WLS: variants seen among roughly 807,000 people sequenced by gnomAD.
The protein encoded by WLS is Wnt ligand secretion mediator.
In WLS, 23 loss-of-function variants were observed where a neutral mutation model predicts 62.8. That is an observed-to-expected ratio of 0.37 (90% CI 0.26 to 0.52). The LOEUF is 0.52. WLS is among the 20% of genes least tolerant of loss of function. WLS has a pLI of 0.92. For synonymous variants in WLS, 246 were observed against 244.1 expected (o/e 1.01, Z -0.07); for missense variants, 615 against 697.3 (o/e 0.88, Z 1.33).
At chr1:68,107,862 A>T (rs933884518) in intron 11 of WLS, among the ~76,000 whole-genome samples, 11 of 152,174 alleles carry the variant, frequency 7.2e-5, no homozygotes, top group African/African-American at 2.4e-4. Flanking sequence ...GGTCTGCGGG[A>T]CACACCCCAG....
At chr1:68,104,742 C>T (rs566270717) in intron 11 of WLS, among the ~76,000 whole-genome samples, 1 of 152,252 alleles carries the variant, frequency 6.6e-6, no homozygotes, top group East Asian at 1.9e-4. Flanking sequence ...AGGGAGACCT[C>T]ATCTCTACTA....
chr1:68,132,932 TGAG>T (rs1243196158), intron 11 of WLS, among the ~76,000 whole-genome samples: 1 of 152,182 alleles, frequency 6.6e-6, no homozygotes, highest in African/African-American at 2.4e-5. Flanking sequence ...ATTTTTGCTC[TGAG>T]AAGAGGATTC....
intron 2 of WLS, among the ~76,000 whole-genome samples, chr1:68,167,070 TG>T (rs1647070444): frequency 6.6e-6 from 1 of 152,230 alleles, no homozygotes; most frequent in Admixed American, 6.5e-5. Context: ...TTAGCAGACC[TG>T]GTTCCTTACC....
At chr1:68,183,543 A>C (rs767309068) in intron 2 of WLS, 1 of 533,822 alleles carries the variant, frequency 1.9e-6, no homozygotes, top group Admixed American at 1.9e-5. Flanking sequence ...TTGAAGGCCA[A>C]AAATTAGTTC....
chr1:68,193,796 G>C (rs1648500899), intron 2 of WLS, 159 bp downstream of exon 2: 2 of 929,430 alleles, frequency 2.2e-6, no homozygotes, highest in Non-Finnish European at 3.2e-6. Context: ...GATTAAATGG[G>C]TTAATACAGG....
chr1:68,102,012 G>A (rs773299209), intron 11 of WLS, among the ~76,000 whole-genome samples: 4 of 152,076 alleles, frequency 2.6e-5, no homozygotes, highest in South Asian at 2.1e-4. Flanking sequence ...AAATACCTTC[G>A]TTATAGCTGC....
At chr1:68,169,116 G>C (rs1451187973) in intron 2 of WLS, among the ~76,000 whole-genome samples, 2 of 152,198 alleles carry the variant, frequency 1.3e-5, no homozygotes, top group African/African-American at 4.8e-5. Context: ...TCTTCCACAT[G>C]TAAGAAAACA....
intron 1 of WLS, 77 bp downstream of exon 1, chr1:68,232,117 A>G (rs1424901774): frequency 1.3e-6 from 2 of 1,586,664 alleles, no homozygotes; most frequent in African/African-American, 1.4e-5. Flanking sequence ...ATACTGTAAC[A>G]AGTAGCCCAA....
intron 11 of WLS, among the ~76,000 whole-genome samples, chr1:68,109,634 G>T (rs1646194821): frequency 1.3e-5 from 2 of 152,042 alleles, no homozygotes; most frequent in Non-Finnish European, 2.9e-5. Flanking sequence ...GCAGAGGAAA[G>T]AATTAGTGAA....
At chr1:68,116,316 C>A (rs12741473) in intron 11 of WLS, among the ~76,000 whole-genome samples, 61,040 of 152,092 alleles carry the variant, frequency 0.4, 13,710 homozygotes, top group Middle Eastern at 0.52. Context: ...CTCTGACAAC[C>A]ACACGGGGTA....
intron 1 of WLS, among the ~76,000 whole-genome samples, chr1:68,206,881 C>A (rs1441479125): frequency 6.6e-6 from 1 of 152,196 alleles, no homozygotes; most frequent in African/African-American, 2.4e-5. Context: ...AAAGTTCCTA[C>A]AAATTAGGGT....
At chr1:68,202,227 A>G (rs766132045) in intron 1 of WLS, 1 of 152,220 alleles carries the variant, frequency 6.6e-6, no homozygotes, top group South Asian at 2.1e-4. Context: ...GGCAAACATG[A>G]AATTATTTTA....
intron 11 of WLS, among the ~76,000 whole-genome samples, chr1:68,137,237 T>C (rs1429019174): frequency 6.6e-6 from 1 of 151,398 alleles, no homozygotes; most frequent in Non-Finnish European, 1.5e-5. Flanking sequence ...GATTATAAGA[T>C]ATAAAAAGGC....
rs942242166 is a variant in WLS, at chr1:68,109,391, AAAGC to A, written c.1511-10642_1511-10639del. On this transcript the variant is annotated intron_variant, in intron 11 of 11. Coordinates refer to the WLS transcript ENST00000354777. ...AATGAAATATAATCAAACACACAAG[AAAGC>A]AAACCACTATAAGCAAGAGGTAGAA... Among the ~76,000 whole-genome samples the A allele has an allele frequency of 6.5e-4, 99 of 152,132 alleles. 1 individual carries two copies. Among genetic ancestry groups the A allele is most frequent in the African/African-American group, 2.1e-3 (89 of 41,504 alleles).
intron 11 of WLS, among the ~76,000 whole-genome samples, chr1:68,110,007 T>TAA (rs11290966): frequency 0.068 from 1,884 of 27,752 alleles, 134 homozygotes; most frequent in Non-Finnish European, 0.072. Context: ...ACACAAAAAG[T>TAA]AAAAAAAAAA....
intron 11 of WLS, among the ~76,000 whole-genome samples, chr1:68,101,629 GAATAT>G (rs778694161): frequency 2.0e-5 from 3 of 152,188 alleles, no homozygotes; most frequent in East Asian, 3.8e-4. Context: ...TCACTGTCCA[GAATAT>G]AATATAAGAC....
intron 11 of WLS, among the ~76,000 whole-genome samples, chr1:68,136,473 T>C (rs1646611955): frequency 6.6e-6 from 1 of 152,120 alleles, no homozygotes; most frequent in Non-Finnish European, 1.5e-5. Context: ...AAAGAAAGGG[T>C]GCCAGGGCCA....
At chr1:68,214,952 A>G (rs574488806) in intron 1 of WLS, among the ~76,000 whole-genome samples, 8 of 152,336 alleles carry the variant, frequency 5.3e-5, no homozygotes, top group Middle Eastern at 3.4e-3. Context: ...AAATTCAGTA[A>G]GAAAAAGAGA....
chr1:68,098,515 A>G, exon 12 of WLS: 2 of 1,458,674 alleles, frequency 1.4e-6, no homozygotes, highest in Non-Finnish European at 1.8e-6. Context: ...TTTTCCTTAT[A>G]TTTAACATTT....
Sources: allele counts gnomAD v4.1 joint callset (sites outside exome capture counted in the v4.1 genomes callset), GRCh38; gene constraint gnomAD v4.1.1; transcripts MANE v1.5; gene names NCBI Gene and HGNC (gene_info 2026-07-23, HGNC 2026-07-21).